Variants in RNGTT observed in about 807,000 individuals in gnomAD.
The protein encoded by RNGTT is RNA guanylyltransferase and 5'-phosphatase, also known as mRNA-capping enzyme.
A neutral mutation model predicts 79.3 loss-of-function variants in RNGTT; 33 were observed. The observed-to-expected ratio is 0.42, with a 90% CI of 0.32 to 0.56. The LOEUF is 0.56. RNGTT is among the 20% of genes least tolerant of loss of function. The pLI, the probability that RNGTT is intolerant of heterozygous loss-of-function variation, is 0.17. For missense variants in RNGTT, 497 were observed against 739.1 expected, an observed-to-expected ratio of 0.67 and a Z score of 3.80; for synonymous variants, 222 against 235.9, an observed-to-expected ratio of 0.94 and a Z score of 0.54.
At chr6:88,676,478 C>A (rs1309263041) in intron 14 of RNGTT, among the ~76,000 whole-genome samples, 2 of 151,966 alleles carry the variant, frequency 1.3e-5, no homozygotes, top group Admixed American at 1.3e-4. Context: ...AAGTATAAAA[C>A]TTCTAGCAGA....
intron 11 of RNGTT, among the ~76,000 whole-genome samples, chr6:88,813,917 A>G (rs2127873512): frequency 6.6e-6 from 1 of 152,268 alleles, no homozygotes; most frequent in South Asian, 2.1e-4. Context: ...TTCAACATCT[A>G]TTACAATAAT....
chr6:88,716,210 G>A (rs1256210769), intron 13 of RNGTT, among the ~76,000 whole-genome samples: 1 of 151,968 alleles, frequency 6.6e-6, no homozygotes, highest in Non-Finnish European at 1.5e-5. Flanking sequence ...AAAGACACAT[G>A]AAAAAATGCT....
Position 88,963,542 on chromosome 6 carries a change from C to T in RNGTT, c.-133G>A, listed in dbSNP as rs974603675. 3 of 805,288 alleles carry T rather than the reference C, an allele frequency of 3.7e-6. No homozygotes were observed. The highest frequency in any genetic ancestry group is 3.3e-5 in the East Asian group (1 of 30,690). The allele number at this position is 805,288 out of a possible 1,614,324, so 49.9% of individuals were successfully genotyped here. On this transcript the variant is annotated 5_prime_UTR_variant, in exon 1 of 16. Coordinates refer to ENST00000369485, the MANE Select transcript of RNGTT (RefSeq NM_003800.5). ...GCCGTAATCTGAATTCCAACCTCTC[C>T]GATCCGGGTAACGTCAGGGGCGGCG...
rs141977937 is a variant in RNGTT, at chr6:88,851,197, AT to A, written c.1033-1372del. On this transcript the variant is annotated intron_variant, in intron 9 of 15. Coordinates refer to ENST00000369485, the MANE Select transcript of RNGTT (RefSeq NM_003800.5). ...CAATTTTTTTTAAAAAAAGAACTAA[AT>A]TTAAAAAAAAAAAAAATCCTAAAAG... 2.0e-3 allele frequency among the ~76,000 whole-genome samples: 294 copies of A among 149,384 alleles called. 1 individual carries two copies. Among genetic ancestry groups the A allele is most frequent in the East Asian group, 2.9e-3 (15 of 5,104 alleles).
At chr6:88,813,194 T>C (rs148096556) in intron 11 of RNGTT, among the ~76,000 whole-genome samples, 30 of 152,348 alleles carry the variant, frequency 2.0e-4, no homozygotes, top group African/African-American at 6.7e-4. Flanking sequence ...GGAACCGATA[T>C]GGCCTACTGG....
intron 11 of RNGTT, among the ~76,000 whole-genome samples, chr6:88,807,739 C>T (rs951696964): frequency 2.7e-5 from 4 of 149,332 alleles, no homozygotes; most frequent in African/African-American, 9.9e-5. Context: ...TCCAAGAGGA[C>T]AGGAAGAAAG....
chr6:88,937,828 A>G (rs1784715641), intron 2 of RNGTT, among the ~76,000 whole-genome samples: 1 of 152,144 alleles, frequency 6.6e-6, no homozygotes, highest in South Asian at 2.1e-4. Context: ...TTTAATTTCC[A>G]TGTATTTGTA....
chr6:88,789,299 C>T (rs534857637), intron 12 of RNGTT, among the ~76,000 whole-genome samples: 58 of 152,252 alleles, frequency 3.8e-4, no homozygotes, highest in Non-Finnish European at 5.0e-4. Context: ...ATTACACTCA[C>T]GCCTGTAATC....
intron 11 of RNGTT, among the ~76,000 whole-genome samples, chr6:88,839,931 TAAACA>T (rs1212086463): frequency 1.3e-5 from 2 of 152,138 alleles, no homozygotes; most frequent in Non-Finnish European, 2.9e-5. Context: ...CAGATCAAAT[TAAACA>T]AAACAAAGAG....
In RNGTT at chr6:88,706,511, T is replaced by C. The variant is rs1776135114; in HGVS notation, c.1440-28092A>G. On this transcript the variant is annotated intron_variant, in intron 13 of 15. Coordinates refer to ENST00000369485, the MANE Select transcript of RNGTT (RefSeq NM_003800.5). ...ATTCCTTGTCAGATATCAGGTAACATAGGCACATTAATATGATTCTGTAAT... is the reference window on the plus strand; with the variant it reads ...ATTCCTTGTCAGATATCAGGTAACACAGGCACATTAATATGATTCTGTAAT... Among the ~76,000 whole-genome samples the C allele has an allele frequency of 2.0e-5, 3 of 152,116 alleles. 1 individual carries two copies. Among genetic ancestry groups the C allele is most frequent in the South Asian group, 4.2e-4 (2 of 4,818 alleles).
At chr6:88,696,023 T>G (rs9359806) in intron 13 of RNGTT, among the ~76,000 whole-genome samples, 17,352 of 152,118 alleles carry the variant, frequency 0.11, 1,115 homozygotes, top group Middle Eastern at 0.23. Context: ...AGGGAGATGT[T>G]GATCAAAGCG....
intron 2 of RNGTT, among the ~76,000 whole-genome samples, chr6:88,929,561 A>G (rs1312897082): frequency 6.6e-6 from 1 of 152,180 alleles, no homozygotes; most frequent in Non-Finnish European, 1.5e-5. Context: ...AAAAGAGAAA[A>G]TGCTAGAGTT....
chr6:88,684,339 T>A (rs894902539), intron 13 of RNGTT, among the ~76,000 whole-genome samples: 1 of 152,174 alleles, frequency 6.6e-6, no homozygotes, highest in Admixed American at 6.5e-5. Context: ...CTTACAAAAC[T>A]GAATATACCC....
chr6:88,776,415 G>A (rs1778884585), intron 12 of RNGTT, among the ~76,000 whole-genome samples: 1 of 151,606 alleles, frequency 6.6e-6, no homozygotes, highest in Non-Finnish European at 1.5e-5. Flanking sequence ...CGCCTCCCAG[G>A]TTCAAGTGAT....
At chr6:88,788,159 T>G (rs1195887189) in intron 12 of RNGTT, among the ~76,000 whole-genome samples, 7 of 151,974 alleles carry the variant, frequency 4.6e-5, no homozygotes, top group Admixed American at 4.6e-4. Context: ...ATAACCAAAT[T>G]TGGGGCTTAC....
At chr6:88,919,704 G>GTTATTT (rs1582130808) in intron 4 of RNGTT, among the ~76,000 whole-genome samples, 1 of 86,284 alleles carries the variant, frequency 1.2e-5, no homozygotes, top group African/African-American at 5.6e-5. Flanking sequence ...TAGGTCAGTA[G>GTTATTT]TTCTTTTTTT....
chr6:88,769,326 A>G lies in RNGTT; in HGVS notation c.1439+448T>C, dbSNP rs1485892838. Among the ~76,000 whole-genome samples, 8 of 77,202 alleles carry G rather than the reference A, an allele frequency of 1.0e-4. No individual in the cohort carries two copies. The Admixed American group carries it at 1.3e-3, about 13-fold the overall frequency. The allele number at this position is 77,202 out of a possible 152,430, so 50.6% of individuals were successfully genotyped here. ...CAGGTATGTGCCAACAAGCCCAACT[A>G]ATTTTTCTATTTTTGGTAGAGGGGG... On this transcript the variant is annotated intron_variant, in intron 13 of 15. Transcript: ENST00000369485.
chr6:88,916,102 G>T (rs934248389), intron 4 of RNGTT, among the ~76,000 whole-genome samples: 2 of 152,188 alleles, frequency 1.3e-5, no homozygotes, highest in Non-Finnish European at 2.9e-5. Context: ...ATTGAAAAGA[G>T]TGACCGTATC....
chr6:88,639,300 A>C (rs1293949177), intron 14 of RNGTT, among the ~76,000 whole-genome samples: 1 of 152,150 alleles, frequency 6.6e-6, no homozygotes, highest in Non-Finnish European at 1.5e-5. Flanking sequence ...CTGGGTTACT[A>C]TTAAAAGTTT....
Sources: gnomAD v4.1 joint callset for allele counts (sites outside exome capture counted in the v4.1 genomes callset) on GRCh38, gnomAD v4.1.1 for gene constraint, MANE v1.5 for transcripts, NCBI Gene and HGNC (gene_info 2026-07-23, HGNC 2026-07-21) for gene names.